DNAH11: variants seen among roughly 807,000 people sequenced by gnomAD.
DNAH11 encodes the protein axonemal beta dynein heavy chain 11.
A neutral mutation model predicts 526.0 loss-of-function variants in DNAH11; 442 were observed. The ratio of observed to expected loss-of-function variants is 0.84; its 90% CI spans 0.78 to 0.91. The LOEUF (loss-of-function observed/expected upper bound fraction) is 0.91, where lower values mean the gene tolerates loss of function less well. DNAH11 is among the 40% of genes least tolerant of loss of function. DNAH11 has a pLI of 0.00. For missense variants in DNAH11, 6,989 were observed against 5,448.7 expected, an observed-to-expected ratio of 1.28 and a Z score of -8.90; for synonymous variants, 2,461 against 1,935.9, an observed-to-expected ratio of 1.27 and a Z score of -7.12.
chr7:21,694,403 T>A (rs753569726), intron 35 of DNAH11, among the ~76,000 whole-genome samples: 4 of 152,130 alleles, frequency 2.6e-5, no homozygotes, highest in Non-Finnish European at 4.4e-5. Flanking sequence ...CCTGCGTCCA[T>A]GTGTTCTCAT....
At chr7:21,546,255 T>G (rs1347964355) in intron 2 of DNAH11, among the ~76,000 whole-genome samples, 1 of 152,218 alleles carries the variant, frequency 6.6e-6, no homozygotes, top group African/African-American at 2.4e-5. Flanking sequence ...CTAACCAAAG[T>G]CTCTCACCCC....
rs1262667320 is a variant in DNAH11, at chr7:21,606,518, A to G, written c.3741A>G (p.Ile1247Met). Reference protein sequence around the residue: ...SPLHNAEVTLIRKKCILFDAK... With the variant: ...SPLHNAEVTLMRKKCILFDAK... ...TCCATAATGCGGAAGTCACTCTTAT[A>G]AGGAAAAAATGTATTTTGTTTGACG... Residue 1247 changes from isoleucine (I) to methionine (M), a missense_variant, in exon 19 of 82, where the codon ATA becomes ATG. Ile to Met is a conservative substitution (Grantham distance 10). Coordinates refer to ENST00000409508, the MANE Select transcript of DNAH11 (RefSeq NM_001277115.2). 1.2e-6 allele frequency: 2 copies of G among 1,610,966 alleles called. No homozygotes were observed. The highest frequency in any genetic ancestry group is 2.2e-5 in the East Asian group (1 of 44,862).
chr7:21,650,351 T>G (rs1252594062), intron 28 of DNAH11, among the ~76,000 whole-genome samples: 1 of 152,130 alleles, frequency 6.6e-6, no homozygotes, highest in Non-Finnish European at 1.5e-5. Flanking sequence ...AGAAATACAT[T>G]AAAAAGTTGA....
At chr7:21,748,477 A>G (rs1490710157) in intron 51 of DNAH11, 103 bp from the exon 52 acceptor site, 1 of 1,241,956 alleles carries the variant, frequency 8.1e-7, no homozygotes, top group African/African-American at 1.5e-5. Context: ...CAACAGAGCA[A>G]GTCTCCATCT....
intron 2 of DNAH11, among the ~76,000 whole-genome samples, chr7:21,556,016 C>CA (rs2128429451): frequency 6.6e-6 from 1 of 152,286 alleles, no homozygotes; most frequent in South Asian, 2.1e-4. Context: ...ACACCCGAGG[C>CA]AGCTACAGCA....
chr7:21,837,866 T>A (rs1038397629), intron 65 of DNAH11, among the ~76,000 whole-genome samples: 4 of 152,146 alleles, frequency 2.6e-5, no homozygotes, highest in African/African-American at 9.7e-5. Flanking sequence ...AAATGATCAA[T>A]GAGATGATGG....
At chr7:21,898,046 T>C (rs1784589295) in intron 79 of DNAH11, among the ~76,000 whole-genome samples, 1 of 152,238 alleles carries the variant, frequency 6.6e-6, no homozygotes, top group Admixed American at 6.5e-5. Flanking sequence ...CTACTTCTTA[T>C]TTGGGGTCTT....
intron 32 of DNAH11, among the ~76,000 whole-genome samples, chr7:21,685,237 T>C (rs966434648): frequency 6.6e-6 from 1 of 152,184 alleles, no homozygotes; most frequent in African/African-American, 2.4e-5. Flanking sequence ...CACTTGAGAA[T>C]AGTCAAAACT....
intron 8 of DNAH11, among the ~76,000 whole-genome samples, chr7:21,577,427 C>A (rs1341954993): frequency 6.6e-6 from 1 of 152,140 alleles, no homozygotes; most frequent in Non-Finnish European, 1.5e-5. Context: ...TCCCTGCTGG[C>A]CAGGAATGAA....
chr7:21,798,196 A>G (rs1376194184), intron 61 of DNAH11, among the ~76,000 whole-genome samples: 3 of 152,214 alleles, frequency 2.0e-5, no homozygotes, highest in African/African-American at 7.2e-5. Flanking sequence ...CCTAGGTTCA[A>G]GCAATTCTTG....
In DNAH11 at chr7:21,868,800, A is replaced by G. The variant is rs891177519; in HGVS notation, c.11840-64A>G. 33 of 1,602,254 alleles carry G rather than the reference A, an allele frequency of 2.1e-5. No individual in the cohort carries two copies. The South Asian group carries it at 3.7e-4, about 18-fold the overall frequency. ...CCACAGATGTGCATTAGACCACAGA[A>G]TTCCAGGCTCCTCTCACCCTCCTTC... On this transcript the variant is annotated intron_variant, in intron 72 of 81. Coordinates refer to ENST00000409508, the MANE Select transcript of DNAH11 (RefSeq NM_001277115.2).
chr7:21,839,890 C>T (rs1782140040), intron 65 of DNAH11, among the ~76,000 whole-genome samples: 1 of 152,148 alleles, frequency 6.6e-6, no homozygotes, highest in Admixed American at 6.5e-5. Flanking sequence ...GACAATAGGT[C>T]ATAAGTCTGA....
intron 61 of DNAH11, among the ~76,000 whole-genome samples, chr7:21,797,748 C>T (rs952242916): frequency 2.6e-5 from 4 of 152,168 alleles, no homozygotes; most frequent in Non-Finnish European, 5.9e-5. Flanking sequence ...GGTGAACATT[C>T]ACTCATGCCC....
Position 21,589,327 on chromosome 7 carries a change from G to C in DNAH11, c.2093G>C (p.Cys698Ser). Residue 698 changes from cysteine (C) to serine (S), a missense_variant, in exon 12 of 82, where the codon TGT becomes TCT. Cys to Ser is a moderately radical substitution (Grantham distance 112). Transcript: ENST00000409508. ...TGGAAAAGTAATGTGGATGAAATCT[G>C]TGAATTCAATTTGAATCAACCCTTG... is the stretch of plus-strand genomic sequence containing the variant. The part of the protein sequence containing the change: ...NEWKSNVDEI[C>S]EFNLNQPLVK... The C allele has an allele frequency of 6.2e-7, 1 of 1,610,052 alleles. No homozygotes were observed. The highest frequency in any genetic ancestry group is 8.5e-7 in the Non-Finnish European group (1 of 1,178,368).
intron 28 of DNAH11, among the ~76,000 whole-genome samples, chr7:21,641,191 A>C (rs1787111344): frequency 6.6e-6 from 1 of 152,174 alleles, no homozygotes; most frequent in Non-Finnish European, 1.5e-5. Flanking sequence ...TTCACTTCTT[A>C]CTGGTGCCCA....
Position 21,854,465 on chromosome 7 carries a change from A to C in DNAH11, c.11202+10A>C, listed in dbSNP as rs1782757392. The stretch of plus-strand genomic sequence containing the variant: ...CCAATTCTCTTTGAAGGTAATGCTG[A>C]ATGAGCTAAGAAATATGGGAAACTT... On this transcript the variant is annotated intron_variant, in intron 68 of 81. Transcript: ENST00000409508. 1 of 1,611,130 alleles carries C rather than the reference A, an allele frequency of 6.2e-7. No individual in the cohort carries two copies. Among genetic ancestry groups the C allele is most frequent in the South Asian group, 1.1e-5 (1 of 90,098 alleles).
At chr7:21,830,689 A>AC (rs1405990097) in intron 65 of DNAH11, among the ~76,000 whole-genome samples, 1 of 152,050 alleles carries the variant, frequency 6.6e-6, no homozygotes, top group Non-Finnish European at 1.5e-5. Context: ...CATAAAAAAA[A>AC]AATCAGTTGA....
intron 23 of DNAH11, 147 bp downstream of exon 23, chr7:21,617,924 A>G (rs1562704615): frequency 4.2e-6 from 4 of 944,390 alleles, no homozygotes; most frequent in Middle Eastern, 6.9e-4. Flanking sequence ...TTTGCTGTCT[A>G]GAAAAAGTCG....
chr7:21,867,477 T>C (rs1783324329), intron 71 of DNAH11, among the ~76,000 whole-genome samples: 1 of 152,236 alleles, frequency 6.6e-6, no homozygotes, highest in African/African-American at 2.4e-5. Context: ...AGCATTTGTA[T>C]ATTCATGAGA....
Sources: allele counts gnomAD v4.1 joint callset (sites outside exome capture counted in the v4.1 genomes callset), GRCh38; gene constraint gnomAD v4.1.1; transcripts MANE v1.5; gene names NCBI Gene and HGNC (gene_info 2026-07-23, HGNC 2026-07-21).